The following ERLEC1 variants were observed in gnomAD, a reference collection of about 807,000 sequenced individuals.
ERLEC1 encodes the protein ER lectin.
A neutral mutation model predicts 68.0 loss-of-function variants in ERLEC1; 47 were observed. The observed-to-expected ratio is 0.69, with a 90% CI of 0.55 to 0.88. ERLEC1 has a LOEUF of 0.88. ERLEC1 is among the 40% of genes least tolerant of loss of function. The pLI is 0.00. For synonymous variants in ERLEC1, 225 were observed against 203.2 expected (o/e 1.11, Z -0.91); for missense variants, 567 against 583.8 (o/e 0.97, Z 0.30).
rs371882412 is a variant in ERLEC1 at position 53,794,471 on chromosome 2, G to A, written c.267+22G>A. 6.3e-4 allele frequency: 692 copies of A among 1,093,370 alleles called. 2 individuals are homozygous for A. The highest frequency in any genetic ancestry group is 8.6e-4 in the Non-Finnish European group (633 of 733,456). 67.7% of individuals were successfully genotyped at this position (1,093,370 alleles called of 1,614,324 possible). On this transcript the variant is annotated intron_variant, in intron 2 of 13. Coordinates refer to ENST00000185150, the MANE Select transcript of ERLEC1 (RefSeq NM_015701.5). Reference sequence around the variant, plus strand: ...TGAGGTAAGTTTTTATAAATATATTGATAATCCTGTCACCAAAAATATTTA... The same window carrying A: ...TGAGGTAAGTTTTTATAAATATATTAATAATCCTGTCACCAAAAATATTTA...
chr2:53,802,346 G>A (rs768287649), intron 8 of ERLEC1, among the ~76,000 whole-genome samples: 2 of 151,866 alleles, frequency 1.3e-5, no homozygotes, highest in Non-Finnish European at 2.9e-5. Flanking sequence ...CTTCTCCTGT[G>A]TTCTACCCAA....
intron 1 of ERLEC1, among the ~76,000 whole-genome samples, chr2:53,790,630 TA>T (rs1026866101): frequency 1.3e-5 from 2 of 152,184 alleles, no homozygotes; most frequent in Admixed American, 6.5e-5. Flanking sequence ...ACCAAAACTG[TA>T]AAATGGGGGT....
Position 53,809,279 on chromosome 2 carries a change from GAATA to G in ERLEC1, c.1101+7_1101+10del. ...ATGTACATCAATACCATGAGGTATAGAATAGCATTTATATATCATTCTACCACTA... is the reference window on the plus strand; with the variant it reads ...ATGTACATCAATACCATGAGGTATAGGCATTTATATATCATTCTACCACTA... On this transcript the variant is annotated splice_region_variant and intron_variant, in intron 10 of 13. Transcript: ENST00000185150. The G allele has an allele frequency of 6.5e-7, 1 of 1,538,600 alleles. No homozygotes were observed. Among genetic ancestry groups the G allele is most frequent in the Non-Finnish European group, 8.7e-7 (1 of 1,150,482 alleles).
intron 8 of ERLEC1, among the ~76,000 whole-genome samples, chr2:53,804,252 T>G (rs1159184042): frequency 4.6e-5 from 7 of 152,082 alleles, no homozygotes; most frequent in Non-Finnish European, 8.8e-5. Flanking sequence ...TATACTCTTT[T>G]GTTGTTGTTG....
Position 53,801,414 on chromosome 2 carries a change from C to G in ERLEC1, c.543C>G (p.Ile181Met). 6.2e-7 allele frequency: 1 copy of G among 1,613,058 alleles called. No homozygotes were observed. The highest frequency in any genetic ancestry group is 8.5e-7 in the Non-Finnish European group (1 of 1,179,476). The change falls in exon 7 of 14, where the codon ATC becomes ATG. Residue 181 changes from isoleucine (I) to methionine (M), a missense_variant. Physicochemically the swap from Ile to Met is conservative, Grantham distance 10. Transcript: ENST00000185150. The stretch of plus-strand genomic sequence containing the variant: ...TTTTTAAGATTCCCACTAAAAATAT[C>G]GAAGGTCAGATGACACCATACTATC... The part of the protein sequence containing the change: ...EKSNEIPTKN[I>M]EGQMTPYYPV...
intron 8 of ERLEC1, among the ~76,000 whole-genome samples, chr2:53,803,918 C>T (rs182727993): frequency 0.013 from 2,026 of 152,318 alleles, 17 homozygotes; most frequent in South Asian, 0.021. Context: ...CACTTGAGGT[C>T]AGGAGTTCAA....
intron 1 of ERLEC1, among the ~76,000 whole-genome samples, chr2:53,787,841 C>T (rs539410543): frequency 6.6e-6 from 1 of 152,264 alleles, no homozygotes; most frequent in Non-Finnish European, 1.5e-5. Flanking sequence ...CACACACGGA[C>T]ATACGCAAAC....
Position 53,787,124 on chromosome 2 carries a change from C to T in ERLEC1, c.-87C>T, listed in dbSNP as rs1352945655. On this transcript the variant is annotated 5_prime_UTR_variant, in exon 1 of 14. Coordinates refer to ENST00000185150, the MANE Select transcript of ERLEC1 (RefSeq NM_015701.5). ...ATACCCGGGCGCTTTATAGTCCCGC[C>T]GCCTCCTCCTCCACCTCCTCCTCCT... The T allele has an allele frequency of 4.7e-5, 60 of 1,265,618 alleles. 2 individuals are homozygous for T. The highest frequency in any genetic ancestry group is 5.9e-5 in the Non-Finnish European group (57 of 970,542). 78.4% of individuals were successfully genotyped at this position (1,265,618 alleles called of 1,614,324 possible).
In ERLEC1 at chr2:53,797,744, C is replaced by T. The variant is rs1675791020; in HGVS notation, c.439C>T (p.His147Tyr). 1 of 1,611,548 alleles carries T rather than the reference C, an allele frequency of 6.2e-7. No homozygotes were observed. Among genetic ancestry groups the T allele is most frequent in the African/African-American group, 1.3e-5 (1 of 74,788 alleles). Residue 147 changes from histidine (H) to tyrosine (Y), a missense_variant, in exon 5 of 14, where the codon CAC (histidine) becomes TAC (tyrosine). Transcript: ENST00000185150. ...EKETGQKINI[H>Y]EYYLGNMLAK... The stretch of plus-strand genomic sequence containing the variant: ...CTTTTCAATGTAGAAAATAAATATT[C>T]ACGAGTACTACCTTGGGAATATGTT...
At chr2:53,802,356 A>G (rs955321908) in intron 8 of ERLEC1, among the ~76,000 whole-genome samples, 1 of 152,094 alleles carries the variant, frequency 6.6e-6, no homozygotes, top group East Asian at 1.9e-4. Context: ...GTTCTACCCA[A>G]TTGACCAATT....
intron 10 of ERLEC1, 55 bp from the exon 11 acceptor site, chr2:53,812,894 A>G: frequency 6.3e-7 from 1 of 1,584,398 alleles, no homozygotes; most frequent in Non-Finnish European, 8.6e-7. Context: ...ATCAGCATAA[A>G]TATCTACTTG....
intron 8 of ERLEC1, among the ~76,000 whole-genome samples, chr2:53,806,923 A>G (rs181640369): frequency 6.6e-6 from 1 of 152,260 alleles, no homozygotes; most frequent in Admixed American, 6.5e-5. Context: ...AATAATAATT[A>G]CCCTTTTCTC....
intron 8 of ERLEC1, among the ~76,000 whole-genome samples, chr2:53,806,496 T>G (rs1180272176): frequency 6.6e-6 from 1 of 152,232 alleles, no homozygotes; most frequent in African/African-American, 2.4e-5. Flanking sequence ...GCCTCATTTT[T>G]AATACGCAGC....
chr2:53,798,798 C>G (rs1189537467), intron 5 of ERLEC1, among the ~76,000 whole-genome samples: 2 of 151,794 alleles, frequency 1.3e-5, no homozygotes, highest in African/African-American at 4.8e-5. Flanking sequence ...ATAAAAATAC[C>G]TCGAAAGAAA....
At chr2:53,803,596 CA>C (rs55851874) in intron 8 of ERLEC1, among the ~76,000 whole-genome samples, 49,984 of 108,696 alleles carry the variant, frequency 0.46, 8,572 homozygotes, top group South Asian at 0.56. Flanking sequence ...CCTGTCTCTA[CA>C]AAAAAAAAAA....
chr2:53,807,224 T>G (rs1676342217), intron 8 of ERLEC1, among the ~76,000 whole-genome samples: 1 of 152,208 alleles, frequency 6.6e-6, no homozygotes, highest in Non-Finnish European at 1.5e-5. Context: ...CTCAAGTCTA[T>G]ATGCATATAT....
rs571035607 is a variant in ERLEC1, at chr2:53,813,429, C to G, written c.1226+356C>G. Reference sequence around the variant, plus strand: ...AAGGAGAATGCCTGGCAATAGCATGCAATAAACCTGGGCTGCCACCCATAA... The same window carrying G: ...AAGGAGAATGCCTGGCAATAGCATGGAATAAACCTGGGCTGCCACCCATAA... On this transcript the variant is annotated intron_variant, in intron 11 of 13. Coordinates refer to ENST00000185150, the MANE Select transcript of ERLEC1 (RefSeq NM_015701.5). 8.5e-5 allele frequency among the ~76,000 whole-genome samples: 13 copies of G among 152,106 alleles called. 1 individual carries two copies. Among genetic ancestry groups the G allele is most frequent in the Admixed American group, 1.3e-4 (2 of 15,282 alleles).
chr2:53,789,642 A>AAT (rs1298075767), intron 1 of ERLEC1, among the ~76,000 whole-genome samples: 1 of 152,068 alleles, frequency 6.6e-6, no homozygotes, highest in Admixed American at 6.5e-5. Flanking sequence ...CCTTTATGTA[A>AAT]AAATAAGCCA....
rs2104255857 is a variant in ERLEC1, at chr2:53,787,205, C to G, written c.-6C>G. Reference sequence around the variant, plus strand: ...TGGCGGTGGCTGGAGAAAGCGGCGGCGGAGGATGGAGGAAGGAGGCGGCGG... The same window carrying G: ...TGGCGGTGGCTGGAGAAAGCGGCGGGGGAGGATGGAGGAAGGAGGCGGCGG... On this transcript the variant is annotated 5_prime_UTR_variant, in exon 1 of 14. Transcript: ENST00000185150. 6.3e-7 allele frequency: 1 copy of G among 1,586,508 alleles called. No individual in the cohort carries two copies. Among genetic ancestry groups the G allele is most frequent in the South Asian group, 1.1e-5 (1 of 90,320 alleles).
Sources: gnomAD v4.1 joint callset for allele counts (sites outside exome capture counted in the v4.1 genomes callset) on GRCh38, gnomAD v4.1.1 for gene constraint, MANE v1.5 for transcripts, NCBI Gene and HGNC (gene_info 2026-07-23, HGNC 2026-07-21) for gene names.